Variants in ZNF69 observed in about 807,000 individuals in gnomAD.
The protein encoded by ZNF69 is ZNF3.
Under a neutral mutation model 50.9 loss-of-function variants are expected in ZNF69, and 47 were observed. The observed-to-expected ratio is 0.92, with a 90% CI of 0.73 to 1.18. The LOEUF (loss-of-function observed/expected upper bound fraction) is 1.18. Among genes scored for constraint, ZNF69 ranks in the 50% most tolerant of loss-of-function variants. The pLI, the probability that ZNF69 is intolerant of heterozygous loss-of-function variation, is 0.00. For synonymous variants in ZNF69, 216 were observed against 223.1 expected (o/e 0.97, Z 0.29); for missense variants, 717 against 675.1 (o/e 1.06, Z -0.69).
At chr19:11,942,076 C>A in the ZNF69 span, among the ~76,000 whole-genome samples, 12 of 152,010 alleles carry the variant, frequency 7.9e-5, no homozygotes, top group East Asian at 2.1e-3. Context: ...GCCCTTCTTA[C>A]CAGCATCTAT....
the ZNF69 span, chr19:11,949,170 A>G: frequency 8.7e-6 from 14 of 1,612,636 alleles, no homozygotes; most frequent in East Asian, 2.2e-5. Flanking sequence ...CACATGAAAA[A>G]ACTCACACTG....
At chr19:11,925,112 C>G in the ZNF69 span, 1 of 1,455,134 alleles carries the variant, frequency 6.9e-7, no homozygotes, top group Non-Finnish European at 9.5e-7. Context: ...GCTTTCCTCA[C>G]CTTCCTCGCT....
chr19:11,941,985 T>TG, the ZNF69 span, among the ~76,000 whole-genome samples: 2 of 141,172 alleles, frequency 1.4e-5, no homozygotes, highest in African/African-American at 5.3e-5. Context: ...TTATTACACC[T>TG]GGTATCTCTT....
chr19:11,927,618 A>G, the ZNF69 span, among the ~76,000 whole-genome samples: 3 of 152,216 alleles, frequency 2.0e-5, no homozygotes, highest in Non-Finnish European at 4.4e-5. Context: ...GTGGGCTGAC[A>G]GCATCACAAA....
chr19:11,928,250 T>A, the ZNF69 span, among the ~76,000 whole-genome samples: 1 of 152,166 alleles, frequency 6.6e-6, no homozygotes, highest in Non-Finnish European at 1.5e-5. Flanking sequence ...CCTCCAAAAG[T>A]GCTGGGATTA....
the ZNF69 span, chr19:11,925,131 G>T: frequency 1.3e-6 from 2 of 1,549,114 alleles, no homozygotes; most frequent in Non-Finnish European, 1.8e-6. Flanking sequence ...CTGCGCGGGC[G>T]GCGGTTGGTA....
Position 11,906,253 on chromosome 19 carries a change from G to A in ZNF69, c.*155G>A, listed in dbSNP as rs1176629199. ...ACAAGCACACATAAGAATGCATTCT[G>A]GATAGCTGAACAAAAGGCAGCAGAA... On this transcript the variant is annotated 3_prime_UTR_variant, in exon 4 of 4. Coordinates refer to ENST00000429654, the MANE Select transcript of ZNF69 (RefSeq NM_001364730.1). 2 of 1,484,734 alleles carry A rather than the reference G, an allele frequency of 1.3e-6. No homozygotes were observed. The highest frequency in any genetic ancestry group is 1.8e-6 in the Non-Finnish European group (2 of 1,125,166). The allele number at this position is 1,484,734 out of a possible 1,614,324, so 92.0% of individuals were successfully genotyped here.
chr19:11,906,904 A>T (rs544246209), downstream of ZNF69, among the ~76,000 whole-genome samples: 5 of 152,356 alleles, frequency 3.3e-5, no homozygotes, highest in Non-Finnish European at 7.4e-5. Context: ...GTTCGAACCC[A>T]TCACAAAGAA....
At chr19:11,932,096 C>G in the ZNF69 span, among the ~76,000 whole-genome samples, 2 of 146,898 alleles carry the variant, frequency 1.4e-5, 1 homozygote, top group African/African-American at 5.4e-5. Context: ...GCACTTCAGC[C>G]CAGGCAGCAA....
chr19:11,918,926 C>T (rs1327537315), downstream of ZNF69, among the ~76,000 whole-genome samples: 5 of 147,088 alleles, frequency 3.4e-5, no homozygotes, highest in South Asian at 4.3e-4. Flanking sequence ...GACGGAGTCT[C>T]GCTGTGTCGC....
chr19:11,890,712 G>A (rs1396216455), intron 1 of ZNF69, among the ~76,000 whole-genome samples: 2 of 152,010 alleles, frequency 1.3e-5, no homozygotes, highest in South Asian at 2.1e-4. Context: ...TACCTGCCTC[G>A]GCCTCCCAAA....
the ZNF69 span, among the ~76,000 whole-genome samples, chr19:11,922,002 C>T: frequency 3.9e-5 from 6 of 152,090 alleles, no homozygotes; most frequent in Non-Finnish European, 5.9e-5. Flanking sequence ...AAAAGAAAAG[C>T]ACAAGTTTTC....
the ZNF69 span, among the ~76,000 whole-genome samples, chr19:11,935,117 A>G: frequency 7.3e-6 from 1 of 136,556 alleles, no homozygotes; most frequent in Non-Finnish European, 1.5e-5. Flanking sequence ...CGGAGCTTGC[A>G]GTGGGCCGAG....
the ZNF69 span, among the ~76,000 whole-genome samples, chr19:11,952,447 A>C: frequency 6.6e-6 from 1 of 152,160 alleles, no homozygotes; most frequent in East Asian, 1.9e-4. Flanking sequence ...TGTGCTGTTG[A>C]TGCTAACTTG....
At chr19:11,889,993 G>A (rs1977044525) in intron 1 of ZNF69, among the ~76,000 whole-genome samples, 1 of 152,196 alleles carries the variant, frequency 6.6e-6, no homozygotes, top group African/African-American at 2.4e-5. Flanking sequence ...GTAGCAAAGA[G>A]TAACAGAGCA....
At chr19:11,949,555 A>T in the ZNF69 span, 2 of 1,611,368 alleles carry the variant, frequency 1.2e-6, no homozygotes, top group East Asian at 2.2e-5. Context: ...TTATAAATGT[A>T]GTATATGTGA....
At chr19:11,908,220 A>G (rs1397666093), downstream of ZNF69, among the ~76,000 whole-genome samples, 3 of 152,216 alleles carry the variant, frequency 2.0e-5, no homozygotes, top group Non-Finnish European at 4.4e-5. Context: ...CACAATAATA[A>G]TGGGAGACTT....
the ZNF69 span, among the ~76,000 whole-genome samples, chr19:11,964,146 C>G: frequency 1.3e-5 from 2 of 152,210 alleles, no homozygotes; most frequent in African/African-American, 4.8e-5. Context: ...TCCCTGGGGT[C>G]TTCCCGGGCA....
At chr19:11,928,700 C>T in the ZNF69 span, among the ~76,000 whole-genome samples, 2 of 141,000 alleles carry the variant, frequency 1.4e-5, no homozygotes, top group African/African-American at 6.0e-5. Flanking sequence ...CCACTGCATT[C>T]CAGCCTGGGC....
Sources: allele counts gnomAD v4.1 joint callset (sites outside exome capture counted in the v4.1 genomes callset), GRCh38; gene constraint gnomAD v4.1.1; transcripts MANE v1.5; gene names NCBI Gene and HGNC (gene_info 2026-07-23, HGNC 2026-07-21).